ZMYM4: variants seen among roughly 807,000 people sequenced by gnomAD.
ZMYM4 encodes the protein zinc finger MYM-type protein 4.
Under a neutral mutation model 183.2 loss-of-function variants are expected in ZMYM4, and 31 were observed. That is an observed-to-expected ratio of 0.17 (90% CI 0.13 to 0.23). ZMYM4 has a LOEUF of 0.23. Ranked by LOEUF, ZMYM4 falls within the 10% of genes least tolerant of loss-of-function variation. The pLI is 1.00. For synonymous variants in ZMYM4, 592 were observed against 631.2 expected (o/e 0.94, Z 0.93); for missense variants, 1,273 against 1,840.3 (o/e 0.69, Z 5.64).
chr1:35,333,202 TTAAC>T (rs1425708722), intron 2 of ZMYM4, among the ~76,000 whole-genome samples: 1 of 152,122 alleles, frequency 6.6e-6, no homozygotes, highest in Non-Finnish European at 1.5e-5. Flanking sequence ...CTTCATGGCA[TTAAC>T]TATTTCCAGT....
chr1:35,291,216 A>G (rs543062939), intron 1 of ZMYM4, among the ~76,000 whole-genome samples: 2 of 152,078 alleles, frequency 1.3e-5, no homozygotes, highest in Admixed American at 1.3e-4. Flanking sequence ...AGTTCTTTAT[A>G]TATTTTGGAT....
At chr1:35,392,570 G>C (rs1202410373) in intron 16 of ZMYM4, 77 bp from the exon 17 acceptor site, 1 of 1,388,774 alleles carries the variant, frequency 7.2e-7, no homozygotes, top group Non-Finnish European at 1.0e-6. Flanking sequence ...TTGTGTTTAT[G>C]TACTGATAAT....
intron 11 of ZMYM4, among the ~76,000 whole-genome samples, chr1:35,386,552 A>G (rs550556932): frequency 2.0e-5 from 3 of 152,152 alleles, no homozygotes; most frequent in Admixed American, 6.5e-5. Context: ...TCCTCCCCCA[A>G]CATTGGGGAT....
At chr1:35,280,056 C>A (rs1488283292) in intron 1 of ZMYM4, among the ~76,000 whole-genome samples, 2 of 151,486 alleles carry the variant, frequency 1.3e-5, no homozygotes, top group Non-Finnish European at 2.9e-5. Context: ...CAGCCCATTA[C>A]CCAATTTCAA....
intron 9 of ZMYM4, among the ~76,000 whole-genome samples, chr1:35,381,997 T>A (rs1254812430): frequency 6.6e-6 from 1 of 151,708 alleles, no homozygotes; most frequent in African/African-American, 2.4e-5. Flanking sequence ...ATACAAAAAT[T>A]AGCCAGGTGT....
At chr1:35,323,368 TAG>T (rs1406238498) in intron 1 of ZMYM4, among the ~76,000 whole-genome samples, 1 of 152,074 alleles carries the variant, frequency 6.6e-6, no homozygotes, top group Non-Finnish European at 1.5e-5. Flanking sequence ...TCTAGGGGGA[TAG>T]AGAGTCATGA....
chr1:35,383,633 T>C (rs1644512317), intron 9 of ZMYM4, among the ~76,000 whole-genome samples: 1 of 152,180 alleles, frequency 6.6e-6, no homozygotes, highest in African/African-American at 2.4e-5. Flanking sequence ...TATCAGGTAC[T>C]AAAAGTTACC....
chr1:35,392,574 T>C, intron 16 of ZMYM4, 73 bp from the exon 17 acceptor site: 1 of 1,419,848 alleles, frequency 7.0e-7, no homozygotes, highest in Non-Finnish European at 9.7e-7. Flanking sequence ...GTTTATGTAC[T>C]GATAATCAGC....
chr1:35,409,887 C>T (rs1385978994), intron 26 of ZMYM4, among the ~76,000 whole-genome samples: 1 of 151,706 alleles, frequency 6.6e-6, no homozygotes, highest in East Asian at 1.9e-4. Flanking sequence ...TTGCAGTGAG[C>T]CAAGATCGCG....
chr1:35,353,829 T>C (rs1020857927), intron 2 of ZMYM4, among the ~76,000 whole-genome samples: 2 of 152,206 alleles, frequency 1.3e-5, no homozygotes, highest in African/African-American at 4.8e-5. Context: ...AAATTGCTAA[T>C]TCACATCAGT....
chr1:35,308,396 C>T (rs192592462), intron 1 of ZMYM4, among the ~76,000 whole-genome samples: 7 of 152,174 alleles, frequency 4.6e-5, no homozygotes, highest in Non-Finnish European at 1.0e-4. Flanking sequence ...AACTGTCTCC[C>T]GTGCCAGGTG....
rs1315453333 is a variant in ZMYM4, at chr1:35,421,166, G to GT, written c.*1490dup. On this transcript the variant is annotated 3_prime_UTR_variant, in exon 30 of 30. Coordinates refer to ENST00000314607, the MANE Select transcript of ZMYM4 (RefSeq NM_005095.3). Reference sequence around the variant, plus strand: ...CATTTTTTAGGTGGGGGTGGCAGGTGTATTTCTTTTTTAACAAATAAAAGG... The same window carrying GT: ...CATTTTTTAGGTGGGGGTGGCAGGTGTTATTTCTTTTTTAACAAATAAAAGG... The GT allele has an allele frequency of 6.6e-6, 1 of 152,584 alleles. No homozygotes were observed. The highest frequency in any genetic ancestry group is 1.5e-5 in the Non-Finnish European group (1 of 68,024). The allele number at this position is 152,584 out of a possible 1,614,324, so 9.5% of individuals were successfully genotyped here.
intron 1 of ZMYM4, 109 bp downstream of exon 1, chr1:35,269,194 A>T (rs1186172326): frequency 8.0e-7 from 1 of 1,254,922 alleles, no homozygotes; most frequent in African/African-American, 1.6e-5. Flanking sequence ...CAGTTAGGAC[A>T]AGGTTGCGGG....
chr1:35,379,193 C>T (rs1423828946), intron 7 of ZMYM4, among the ~76,000 whole-genome samples: 3 of 152,146 alleles, frequency 2.0e-5, no homozygotes, highest in Non-Finnish European at 2.9e-5. Flanking sequence ...CTCCGCCTCC[C>T]GGGTTCAAGC....
intron 7 of ZMYM4, among the ~76,000 whole-genome samples, chr1:35,373,033 C>T: frequency 6.6e-6 from 1 of 152,028 alleles, no homozygotes; most frequent in Non-Finnish European, 1.5e-5. Flanking sequence ...GTGGCACATG[C>T]CCATAATCCC....
intron 28 of ZMYM4, among the ~76,000 whole-genome samples, chr1:35,417,884 C>T (rs1242318370): frequency 7.9e-5 from 12 of 151,794 alleles, no homozygotes; most frequent in African/African-American, 1.5e-4. Flanking sequence ...TGGTGGCAGG[C>T]GCCTGTAATC....
chr1:35,405,491 T>C (rs781177407), intron 25 of ZMYM4, 23 bp downstream of exon 25: 1 of 1,522,326 alleles, frequency 6.6e-7, no homozygotes, highest in Non-Finnish European at 8.9e-7. Context: ...TCTCTCCATT[T>C]GGTATGAATT....
At chr1:35,396,341 C>G (rs972799742) in intron 18 of ZMYM4, among the ~76,000 whole-genome samples, 1 of 152,184 alleles carries the variant, frequency 6.6e-6, no homozygotes, top group Non-Finnish European at 1.5e-5. Flanking sequence ...CCTCACATCA[C>G]TGATATTTGT....
chr1:35,269,600 C>G (rs1639494876), intron 1 of ZMYM4, among the ~76,000 whole-genome samples: 1 of 152,072 alleles, frequency 6.6e-6, no homozygotes, highest in Non-Finnish European at 1.5e-5. Flanking sequence ...GGTGGTCTTA[C>G]CTGTGAAGAA....
Sources: gnomAD v4.1 joint callset for allele counts (sites outside exome capture counted in the v4.1 genomes callset) on GRCh38, gnomAD v4.1.1 for gene constraint, MANE v1.5 for transcripts, NCBI Gene and HGNC (gene_info 2026-07-23, HGNC 2026-07-21) for gene names.